The following STS variants were observed in gnomAD, a reference collection of about 807,000 sequenced individuals.
The protein encoded by STS is steryl-sulfatase.
In STS, 7 loss-of-function variants were observed where a neutral mutation model predicts 26.8. That is an observed-to-expected ratio of 0.26 (90% CI 0.15 to 0.49). The LOEUF is 0.49. STS is among the 20% of genes least tolerant of loss of function. STS has a pLI of 0.98. For synonymous variants in STS, 199 were observed against 189.4 expected (o/e 1.05, Z -0.42); for missense variants, 434 against 465.6 (o/e 0.93, Z 0.63).
At chrX:7,286,604 T>C (rs1230300575) in intron 7 of STS, among the ~76,000 whole-genome samples, 1 of 111,538 alleles carries the variant, frequency 9.0e-6, no homozygotes, top group Non-Finnish European at 1.9e-5. Flanking sequence ...TAATGAGGTT[T>C]TGAAACTTCA....
chrX:7,207,606 G>A (rs1410438891), intron 2 of STS, among the ~76,000 whole-genome samples: 1 of 111,923 alleles, frequency 8.9e-6, no homozygotes, highest in Non-Finnish European at 1.9e-5. Flanking sequence ...CAGTAGGAAG[G>A]TTTCACCATA....
intron 1 of STS, among the ~76,000 whole-genome samples, chrX:7,166,053 G>A (rs1315944542): frequency 9.5e-6 from 1 of 105,319 alleles, no homozygotes; most frequent in Non-Finnish European, 1.9e-5. Flanking sequence ...TGTCATCCAG[G>A]CTGTAGTGCA....
chrX:7,238,973 G>A (rs1362569549), intron 2 of STS, among the ~76,000 whole-genome samples: 1 of 111,025 alleles, frequency 9.0e-6, no homozygotes, highest in Admixed American at 9.6e-5. Flanking sequence ...GTTAGGCAAG[G>A]CTTACTTTTT....
At chrX:7,175,162 C>A (rs183104647) in intron 1 of STS, among the ~76,000 whole-genome samples, 534 of 80,280 alleles carry the variant, frequency 6.7e-3, no homozygotes, top group Non-Finnish European at 9.6e-3. Context: ...ATCTTTTTCA[C>A]ATAGAATCTG....
intron 9 of STS, among the ~76,000 whole-genome samples, chrX:7,333,062 C>T (rs1206508134): frequency 8.9e-6 from 1 of 111,942 alleles, no homozygotes. Flanking sequence ...GCACACTTAC[C>T]AAAATTGTAC....
intron 2 of STS, among the ~76,000 whole-genome samples, chrX:7,193,052 G>A (rs1933907052): frequency 8.9e-6 from 1 of 112,315 alleles, no homozygotes; most frequent in African/African-American, 3.2e-5. Flanking sequence ...GAGAACAAAA[G>A]GACAATGACC....
At chrX:7,219,996 T>G (rs1395267155) in intron 2 of STS, among the ~76,000 whole-genome samples, 1 of 112,366 alleles carries the variant, frequency 8.9e-6, no homozygotes, top group Non-Finnish European at 1.9e-5. Flanking sequence ...ATTTGTTAAT[T>G]ATCATCTTCC....
intron 1 of STS, among the ~76,000 whole-genome samples, chrX:7,158,874 G>A (rs1399866271): frequency 8.9e-6 from 1 of 111,999 alleles, no homozygotes; most frequent in East Asian, 2.8e-4. Flanking sequence ...CAATGAGTAA[G>A]TTTTACAGAG....
At chrX:7,214,441 A>C (rs1180580373) in intron 2 of STS, among the ~76,000 whole-genome samples, 5 of 112,525 alleles carry the variant, frequency 4.4e-5, no homozygotes, top group African/African-American at 1.6e-4. Context: ...ACTCTAATGG[A>C]AATCTGAGTC....
At chrX:7,320,150 A>G (rs1356670060) in intron 8 of STS, among the ~76,000 whole-genome samples, 2 of 98,161 alleles carry the variant, frequency 2.0e-5, no homozygotes, top group Non-Finnish European at 4.0e-5. Flanking sequence ...ATATATTTAT[A>G]TATTTTTTAT....
chrX:7,329,470 A>G (rs1338483540), intron 9 of STS, among the ~76,000 whole-genome samples: 3 of 112,615 alleles, frequency 2.7e-5, no homozygotes, highest in Non-Finnish European at 5.6e-5. Flanking sequence ...CAATAAAAGC[A>G]TCTAGACAAT....
intron 2 of STS, among the ~76,000 whole-genome samples, chrX:7,223,458 C>A (rs1406642652): frequency 2.7e-5 from 3 of 111,740 alleles, no homozygotes; most frequent in African/African-American, 9.8e-5. Context: ...GAAGATGGTA[C>A]CTCATTGTGG....
intron 1 of STS, among the ~76,000 whole-genome samples, chrX:7,152,834 A>G (rs1377275030): frequency 8.9e-6 from 1 of 112,849 alleles, no homozygotes; most frequent in Non-Finnish European, 1.9e-5. Context: ...GGGATTAAAG[A>G]CATGCCTATG....
intron 1 of STS, among the ~76,000 whole-genome samples, chrX:7,178,236 CAT>C (rs1166022970): frequency 8.9e-6 from 1 of 112,466 alleles, no homozygotes; most frequent in Non-Finnish European, 1.9e-5. Flanking sequence ...CATAATCAGA[CAT>C]GTGCAAAAGT....
chrX:7,333,959 C>A (rs1323193905), intron 9 of STS, 27 bp from the exon 10 acceptor site: 5 of 1,209,446 alleles, frequency 4.1e-6, no homozygotes, highest in Non-Finnish European at 5.6e-6. Flanking sequence ...TGATTCACGT[C>A]TTGATGCCTG....
intron 2 of STS, among the ~76,000 whole-genome samples, chrX:7,234,867 A>G (rs1017135124): frequency 8.9e-6 from 1 of 111,897 alleles, no homozygotes; most frequent in African/African-American, 3.3e-5. Flanking sequence ...AAATCCTTCT[A>G]TAATTCACTA....
chrX:7,317,216 T>C (rs770841375), intron 8 of STS, among the ~76,000 whole-genome samples: 15 of 111,560 alleles, frequency 1.3e-4, no homozygotes, highest in African/African-American at 4.2e-4. Flanking sequence ...CTACAAAAAG[T>C]TAAACTTAGA....
intron 8 of STS, among the ~76,000 whole-genome samples, chrX:7,317,696 C>T (rs1870106540): frequency 9.0e-6 from 1 of 111,036 alleles, no homozygotes; most frequent in Non-Finnish European, 1.9e-5. Context: ...TCTCAAACCC[C>T]GACCTCAAGT....
At chrX:7,203,254 A>G (rs1222441361) in intron 2 of STS, among the ~76,000 whole-genome samples, 1 of 112,444 alleles carries the variant, frequency 8.9e-6, no homozygotes, top group Non-Finnish European at 1.9e-5. Flanking sequence ...AAAACTCTAA[A>G]GATTAGAAAT....
Sources: gnomAD v4.1 joint callset for allele counts (sites outside exome capture counted in the v4.1 genomes callset) on GRCh38, gnomAD v4.1.1 for gene constraint, MANE v1.5 for transcripts, NCBI Gene and HGNC (gene_info 2026-07-23, HGNC 2026-07-21) for gene names.